The following CCDC172 variants were observed in gnomAD, a reference collection of about 807,000 sequenced individuals.
CCDC172 encodes coiled-coil domain containing 172.
A neutral mutation model predicts 38.0 loss-of-function variants in CCDC172; 30 were observed. The ratio of observed to expected loss-of-function variants is 0.79; its 90% CI spans 0.59 to 1.07. The LOEUF is 1.07. CCDC172 is among the 50% of genes least tolerant of loss of function. The probability of loss-of-function intolerance (pLI) is 0.00; values close to 1 mark genes in which losing one functional copy is unlikely to be tolerated. For synonymous variants in CCDC172, 78 were observed against 88.3 expected (o/e 0.88, Z 0.66); for missense variants, 297 against 290.1 (o/e 1.02, Z -0.17).
At chr10:116,342,000 A>G (rs1844800592) in intron 4 of CCDC172, 36 bp from the exon 5 acceptor site, 3 of 1,335,240 alleles carry the variant, frequency 2.2e-6, no homozygotes, top group Non-Finnish European at 3.0e-6. Context: ...TATTGCAACT[A>G]ACACCTATAT....
At chr10:116,371,385 A>G (rs1845183954) in intron 7 of CCDC172, among the ~76,000 whole-genome samples, 1 of 151,872 alleles carries the variant, frequency 6.6e-6, no homozygotes, top group South Asian at 2.1e-4. Context: ...AATTCCGGGA[A>G]CAAATCCTAA....
At chr10:116,332,556 T>C (rs1378614094) in intron 3 of CCDC172, among the ~76,000 whole-genome samples, 1 of 152,154 alleles carries the variant, frequency 6.6e-6, no homozygotes, top group Non-Finnish European at 1.5e-5. Flanking sequence ...CAAACCTTTT[T>C]TTACAACATT....
At chr10:116,352,517 A>T (rs1844943362) in intron 5 of CCDC172, among the ~76,000 whole-genome samples, 2 of 152,320 alleles carry the variant, frequency 1.3e-5, no homozygotes, top group Non-Finnish European at 2.9e-5. Context: ...TAAATGGAGG[A>T]TATAAAAATA....
intron 7 of CCDC172, among the ~76,000 whole-genome samples, chr10:116,371,214 T>C (rs1589959840): frequency 6.6e-6 from 1 of 151,888 alleles, no homozygotes. Flanking sequence ...AAATAATATG[T>C]ATTAATTCTG....
At chr10:116,339,777 A>G (rs1033818513) in intron 3 of CCDC172, among the ~76,000 whole-genome samples, 1 of 151,830 alleles carries the variant, frequency 6.6e-6, no homozygotes, top group East Asian at 1.9e-4. Flanking sequence ...TCTTAAGCCA[A>G]CCCTTTTGCC....
In CCDC172 at chr10:116,325,072, C is replaced by A. The variant is rs747329530; in HGVS notation, c.61C>A (p.Arg21Ser). ...CACCGAGCATCAGGCGGAGGAGAGT[C>A]GCCGTTTGATGCGAGAAGGTCGGGG... Reference protein sequence around the residue: ...IFTEHQAEESRRLMREVRSEI... With the variant: ...IFTEHQAEESSRLMREVRSEI... Residue 21 changes from arginine (R) to serine (S), a missense_variant, in exon 2 of 9, where the codon CGC (arginine) becomes AGC (serine). Coordinates refer to ENST00000333254, the MANE Select transcript of CCDC172 (RefSeq NM_198515.3). 2 of 1,613,952 alleles carry A rather than the reference C, an allele frequency of 1.2e-6. No individual in the cohort carries two copies. The highest frequency in any genetic ancestry group is 1.3e-5 in the African/African-American group (1 of 75,020).
intron 7 of CCDC172, among the ~76,000 whole-genome samples, chr10:116,374,257 G>A (rs983375981): frequency 3.9e-5 from 6 of 151,932 alleles, no homozygotes; most frequent in Admixed American, 1.3e-4. Context: ...CCAAAAAGAA[G>A]GTGTAAAGTG....
At chr10:116,354,925 T>C (rs1166427936) in intron 5 of CCDC172, among the ~76,000 whole-genome samples, 1 of 152,188 alleles carries the variant, frequency 6.6e-6, no homozygotes, top group African/African-American at 2.4e-5. Context: ...ACAAAAAAAG[T>C]TTAAGAAGTA....
At chr10:116,342,253 TTGAA>T in intron 5 of CCDC172, 52 bp downstream of exon 5, 2 of 1,467,448 alleles carry the variant, frequency 1.4e-6, no homozygotes, top group Middle Eastern at 3.6e-4. Context: ...ATAACTTATT[TTGAA>T]TGAATGAATT....
chr10:116,357,367 T>C lies in CCDC172; in HGVS notation c.449-13T>C. On this transcript the variant is annotated splice_polypyrimidine_tract_variant and intron_variant, in intron 5 of 8. Coordinates refer to ENST00000333254, the MANE Select transcript of CCDC172 (RefSeq NM_198515.3). ...AAGTATTTTATTTTTGATGCTTTTG[T>C]ATCTGTTTCTAGAAATGAAGTCAAT... 2.0e-6 allele frequency: 3 copies of C among 1,491,534 alleles called. No individual in the cohort carries two copies. Among genetic ancestry groups the C allele is most frequent in the East Asian group, 2.5e-5 (1 of 40,080 alleles). 92.4% of individuals were successfully genotyped at this position (1,491,534 alleles called of 1,614,324 possible).
chr10:116,335,664 A>G (rs183797456), intron 3 of CCDC172, among the ~76,000 whole-genome samples: 1 of 152,158 alleles, frequency 6.6e-6, no homozygotes, highest in Admixed American at 6.5e-5. Context: ...TATGTTCCTC[A>G]GTAGAAGTTT....
chr10:116,371,458 T>C (rs1030434377), intron 7 of CCDC172, among the ~76,000 whole-genome samples: 9 of 151,920 alleles, frequency 5.9e-5, no homozygotes, highest in African/African-American at 2.2e-4. Context: ...ATTTTATTTA[T>C]AATTTTTGCA....
chr10:116,356,762 G>T (rs1335890716), intron 5 of CCDC172, among the ~76,000 whole-genome samples: 2 of 152,138 alleles, frequency 1.3e-5, no homozygotes, highest in Non-Finnish European at 2.9e-5. Flanking sequence ...CATATTATGA[G>T]TACTATGCAA....
At chr10:116,346,291 C>CAAAAA (rs562182925) in intron 5 of CCDC172, among the ~76,000 whole-genome samples, 3 of 80,006 alleles carry the variant, frequency 3.7e-5, no homozygotes, top group Non-Finnish European at 5.3e-5. Context: ...GACTTCGTCT[C>CAAAAA]AAAAAAAAAA....
chr10:116,340,663 T>C (rs1443959436), intron 3 of CCDC172, 71 bp from the exon 4 acceptor site: 1 of 732,018 alleles, frequency 1.4e-6, no homozygotes, highest in Non-Finnish European at 2.4e-6. Flanking sequence ...ACAAATCTTC[T>C]CTGTTACCTA....
intron 5 of CCDC172, among the ~76,000 whole-genome samples, chr10:116,349,202 C>G (rs558324607): frequency 6.6e-6 from 1 of 152,252 alleles, no homozygotes; most frequent in African/African-American, 2.4e-5. Context: ...GCTCAGGGAT[C>G]CCACTGATTC....
intron 3 of CCDC172, among the ~76,000 whole-genome samples, chr10:116,339,789 CT>C (rs1398545196): frequency 6.6e-6 from 1 of 151,940 alleles, no homozygotes; most frequent in Non-Finnish European, 1.5e-5. Context: ...CCTTTTGCCT[CT>C]GGACTAGACT....
rs1037004304 is a variant in CCDC172 at position 116,351,482 on chromosome 10, T to C, written c.449-5898T>C. ...TTTCTTGAGCATCTACTGTATATAC[T>C]ACACCAGGCACTGTTCAGAAATTGG... On this transcript the variant is annotated intron_variant, in intron 5 of 8. Coordinates refer to ENST00000333254, the MANE Select transcript of CCDC172 (RefSeq NM_198515.3). Among the ~76,000 whole-genome samples, 15 of 152,306 alleles carry C rather than the reference T, an allele frequency of 9.8e-5. No individual in the cohort carries two copies. The East Asian group carries it at 2.5e-3, about 25-fold the overall frequency.
Position 116,374,927 on chromosome 10 carries a change from AC to A in CCDC172, c.654-3495del, listed in dbSNP as rs1463688081. Among the ~76,000 whole-genome samples, 17 of 151,698 alleles carry A rather than the reference AC, an allele frequency of 1.1e-4. No individual in the cohort carries two copies. In the South Asian group the frequency reaches 2.1e-3, roughly 19 times the overall value. ...AAAAGAATGGAAAGCAATATCCTGT[AC>A]TAGCGGTCTGGAAGTTCTAGTTTCT... is the stretch of plus-strand genomic sequence containing the variant. On this transcript the variant is annotated intron_variant, in intron 7 of 8. Coordinates refer to ENST00000333254, the MANE Select transcript of CCDC172 (RefSeq NM_198515.3).
Sources: allele counts gnomAD v4.1 joint callset (sites outside exome capture counted in the v4.1 genomes callset), GRCh38; gene constraint gnomAD v4.1.1; transcripts MANE v1.5; gene names NCBI Gene and HGNC (gene_info 2026-07-23, HGNC 2026-07-21).